The following C14orf39 variants were observed in gnomAD, a reference collection of about 807,000 sequenced individuals.
C14orf39 encodes chromosome 14 open reading frame 39, also known as protein SIX6OS1.
A neutral mutation model predicts 85.6 loss-of-function variants in C14orf39; 66 were observed. That is an observed-to-expected ratio of 0.77 (90% CI 0.63 to 0.95). The LOEUF (loss-of-function observed/expected upper bound fraction) is 0.95, where lower values mean the gene tolerates loss of function less well. Among genes scored for constraint, C14orf39 ranks in the 40% least tolerant of loss-of-function variants. C14orf39 has a pLI of 0.00. For synonymous variants in C14orf39, 242 were observed against 214.0 expected (o/e 1.13, Z -1.14); for missense variants, 735 against 663.9 (o/e 1.11, Z -1.18).
upstream of C14orf39, among the ~76,000 whole-genome samples, chr14:60,487,297 C>T (rs189511572): frequency 1.3e-5 from 2 of 152,294 alleles, no homozygotes; most frequent in East Asian, 3.9e-4. Context: ...CCTCCCCCAG[C>T]CACTGGCAAC....
At chr14:60,471,509 C>A (rs748666281) in intron 6 of C14orf39, 43 bp downstream of exon 6, 32 of 1,569,128 alleles carry the variant, frequency 2.0e-5, no homozygotes, top group Non-Finnish European at 2.6e-5. Flanking sequence ...CTTTTCATTA[C>A]AAAGATATCA....
chr14:60,461,340 T>C lies in C14orf39; in HGVS notation c.1117+14A>G, dbSNP rs371484540. 2 of 1,605,988 alleles carry C rather than the reference T, an allele frequency of 1.2e-6. No homozygotes were observed. Among genetic ancestry groups the C allele is most frequent in the African/African-American group, 2.7e-5 (2 of 74,692 alleles). ...ACCCCGACTTCTTAGAAGAAAAATA[T>C]AAACGGCAAATACCTTTATCCCCTT... On this transcript the variant is annotated intron_variant, in intron 13 of 17. Coordinates refer to ENST00000321731, the MANE Select transcript of C14orf39 (RefSeq NM_174978.3).
chr14:60,466,555 A>C (rs534413091), intron 10 of C14orf39, among the ~76,000 whole-genome samples: 1 of 151,958 alleles, frequency 6.6e-6, no homozygotes, highest in Admixed American at 6.6e-5. Flanking sequence ...TATCTCAGTG[A>C]CTAAGTTATA....
intron 4 of C14orf39, among the ~76,000 whole-genome samples, chr14:60,482,316 G>C (rs1892678474): frequency 1.3e-5 from 2 of 152,016 alleles, no homozygotes; most frequent in African/African-American, 2.4e-5. Context: ...AAAAGAAAAT[G>C]GTCAACAACA....
At chr14:60,506,135 C>A (rs1180461054) in intron 1 of C14orf39, among the ~76,000 whole-genome samples, 1 of 152,100 alleles carries the variant, frequency 6.6e-6, no homozygotes, top group Non-Finnish European at 1.5e-5. Context: ...CGGCAAGACC[C>A]GAGCCTTTGT....
intron 9 of C14orf39, among the ~76,000 whole-genome samples, chr14:60,467,294 A>G (rs1013821096): frequency 1.4e-5 from 2 of 148,008 alleles, no homozygotes; most frequent in Non-Finnish European, 3.0e-5. Flanking sequence ...TTTTTAAAAT[A>G]TAATCATTGC....
intron 15 of C14orf39, 72 bp downstream of exon 15, chr14:60,456,845 A>G (rs1018171279): frequency 7.6e-7 from 1 of 1,324,144 alleles, no homozygotes; most frequent in Non-Finnish European, 1.0e-6. Context: ...TAAGCATTTT[A>G]CTATTCCTAT....
chr14:60,448,302 C>T lies in C14orf39; in HGVS notation c.1504-6171G>A, dbSNP rs546321780. Among the ~76,000 whole-genome samples, 10 of 151,930 alleles carry T rather than the reference C, an allele frequency of 6.6e-5. No individual in the cohort carries two copies. In the South Asian group the frequency reaches 8.3e-4, roughly 13 times the overall value. On this transcript the variant is annotated intron_variant, in intron 16 of 17. Transcript: ENST00000321731. ...TTTTTGCAATCTACCCATCTGACAA[C>T]GGGCTAATATCCAGAATCTACAAAG...
intron 2 of C14orf39, among the ~76,000 whole-genome samples, chr14:60,498,102 T>C (rs1020605759): frequency 1.6e-5 from 2 of 121,710 alleles, no homozygotes; most frequent in Non-Finnish European, 3.6e-5. Flanking sequence ...AAATTTTCTT[T>C]GTTTAGTTTC....
chr14:60,474,236 T>C (rs987360938), intron 5 of C14orf39, among the ~76,000 whole-genome samples: 2 of 152,226 alleles, frequency 1.3e-5, no homozygotes, highest in Non-Finnish European at 1.5e-5. Context: ...CTTGTGATTT[T>C]TGCACATTGA....
chr14:60,501,627 G>A (rs1056961786), intron 1 of C14orf39, among the ~76,000 whole-genome samples: 3 of 152,318 alleles, frequency 2.0e-5, no homozygotes, highest in South Asian at 4.1e-4. Context: ...GGCAGCCACA[G>A]GAAACAAATA....
rs539883441 is a variant in C14orf39 at position 60,474,033 on chromosome 14, T to G, written c.324-2294A>C. Among the ~76,000 whole-genome samples the G allele has an allele frequency of 6.9e-3, 1,052 of 152,306 alleles. 13 individuals are homozygous for G. Among genetic ancestry groups the G allele is most frequent in the African/African-American group, 0.024 (981 of 41,568 alleles). On this transcript the variant is annotated intron_variant, in intron 5 of 17. Transcript: ENST00000321731. ...TCACGATATTGATTCTTCCTACCCA[T>G]GAGCATGGAATGTTCTTCCATTTGT...
chr14:60,472,299 T>G (rs939887636), intron 5 of C14orf39, among the ~76,000 whole-genome samples: 1 of 152,122 alleles, frequency 6.6e-6, no homozygotes, highest in East Asian at 1.9e-4. Flanking sequence ...TTTATCACAG[T>G]TTAGAAGAAC....
At chr14:60,455,569 T>C (rs1891234516) in intron 15 of C14orf39, among the ~76,000 whole-genome samples, 1 of 152,066 alleles carries the variant, frequency 6.6e-6, no homozygotes, top group South Asian at 2.1e-4. Flanking sequence ...GATTTTAGTG[T>C]TGATGAGAAG....
At chr14:60,466,268 C>A (rs1182066014) in intron 10 of C14orf39, among the ~76,000 whole-genome samples, 1 of 151,810 alleles carries the variant, frequency 6.6e-6, no homozygotes, top group Non-Finnish European at 1.5e-5. Context: ...TGACAAAAGG[C>A]CAACTGACAA....
At chr14:60,461,068 G>A (rs753079425) in intron 13 of C14orf39, among the ~76,000 whole-genome samples, 10 of 151,712 alleles carry the variant, frequency 6.6e-5, no homozygotes, top group Non-Finnish European at 1.5e-4. Flanking sequence ...AAACTTGGAG[G>A]GAAAAAGAAT....
intron 4 of C14orf39, among the ~76,000 whole-genome samples, chr14:60,482,205 T>G (rs1347249288): frequency 2.0e-5 from 3 of 152,176 alleles, no homozygotes; most frequent in Non-Finnish European, 2.9e-5. Context: ...TAGGACACGG[T>G]AGGTTCTACG....
chr14:60,455,406 G>A (rs1211981707), intron 15 of C14orf39, among the ~76,000 whole-genome samples: 2 of 152,032 alleles, frequency 1.3e-5, no homozygotes, highest in Non-Finnish European at 2.9e-5. Flanking sequence ...CCATTTTACA[G>A]TAGGGAATTT....
intron 1 of C14orf39, among the ~76,000 whole-genome samples, chr14:60,507,475 C>A (rs1405363696): frequency 1.3e-5 from 2 of 152,192 alleles, no homozygotes; most frequent in Non-Finnish European, 2.9e-5. Flanking sequence ...CCTGCCTTGT[C>A]GTATTTCAAG....
Sources: gnomAD v4.1 joint callset for allele counts (sites outside exome capture counted in the v4.1 genomes callset) on GRCh38, gnomAD v4.1.1 for gene constraint, MANE v1.5 for transcripts, NCBI Gene and HGNC (gene_info 2026-07-23, HGNC 2026-07-21) for gene names.